HLCS: variants seen among roughly 807,000 people sequenced by gnomAD.
HLCS encodes the protein holocarboxylase synthetase.
Under a neutral mutation model 75.0 loss-of-function variants are expected in HLCS, and 53 were observed. That is an observed-to-expected ratio of 0.71 (90% CI 0.57 to 0.89). HLCS has a LOEUF of 0.89. Among genes scored for constraint, HLCS ranks in the 40% least tolerant of loss-of-function variants. The probability of loss-of-function intolerance (pLI) is 0.00; values close to 1 mark genes in which losing one functional copy is unlikely to be tolerated. For missense variants in HLCS, 966 were observed against 1,074.0 expected, an observed-to-expected ratio of 0.90 and a Z score of 1.41; for synonymous variants, 431 against 428.6, an observed-to-expected ratio of 1.01 and a Z score of -0.07.
At chr21:36,938,722 C>T (rs1271691845) in intron 3 of HLCS, 110 bp downstream of exon 3, 10 of 1,125,756 alleles carry the variant, frequency 8.9e-6, no homozygotes, top group Middle Eastern at 2.7e-4. Context: ...AGGCTGGTCT[C>T]GAACTCCTGG....
chr21:36,937,167 C>G lies in HLCS; in HGVS notation c.719G>C (p.Gly240Ala). The change falls in exon 4 of 11, where the codon GGG (glycine) becomes GCG (alanine). Residue 240 changes from glycine to alanine, a missense_variant. Transcript: ENST00000674895. ...GAGGTGATAATGCTCAACGGGGCCC[C>G]CTCCCCTGTCACTGTCCCCAGCAGG... ...SEPAGDSDRG[G>A]GPVEHYHLHL... is the part of the protein sequence containing the mutation. The G allele has an allele frequency of 6.2e-7, 1 of 1,614,164 alleles. No individual in the cohort carries two copies. The highest frequency in any genetic ancestry group is 8.5e-7 in the Non-Finnish European group (1 of 1,180,028).
intron 1 of HLCS, among the ~76,000 whole-genome samples, chr21:36,979,272 CAAAAA>C (rs35662012): frequency 2.7e-5 from 3 of 109,272 alleles, no homozygotes; most frequent in Non-Finnish European, 5.8e-5. Context: ...GACTCAGTCT[CAAAAA>C]AAAAAAAAAA....
At chr21:36,966,411 G>GC in intron 1 of HLCS, 33 bp downstream of exon 1, 3 of 617,438 alleles carry the variant, frequency 4.9e-6, no homozygotes, top group Non-Finnish European at 6.1e-6. Flanking sequence ...CGGCTCGCGG[G>GC]GCCCGGGTCG....
rs1270627437 is a variant in HLCS at position 36,842,729 on chromosome 21, C to A, written c.1892+54131G>T. On this transcript the variant is annotated intron_variant, in intron 6 of 10. Coordinates refer to ENST00000674895, the MANE Select transcript of HLCS (RefSeq NM_001352514.2). The surrounding 1 kb of genome is among the most constrained non-coding windows in gnomAD (Gnocchi z 4.2). ...CTGCACTCCACCCTGGGCAACAGAG[C>A]AAGACTCAGTCTCAAAAAAACAAAC... 1.3e-5 allele frequency among the ~76,000 whole-genome samples: 2 copies of A among 152,050 alleles called. No homozygotes were observed. Among genetic ancestry groups the A allele is most frequent in the Non-Finnish European group, 2.9e-5 (2 of 68,006 alleles).
intron 6 of HLCS, among the ~76,000 whole-genome samples, chr21:36,873,133 G>C (rs1027249587): frequency 6.9e-6 from 1 of 144,632 alleles, no homozygotes; most frequent in Non-Finnish European, 1.5e-5. Context: ...TTTTTTGTTT[G>C]TTTGAGACAG....
intron 1 of HLCS, among the ~76,000 whole-genome samples, chr21:36,988,270 A>G (rs2069265983): frequency 6.6e-6 from 1 of 152,108 alleles, no homozygotes; most frequent in Non-Finnish European, 1.5e-5. Flanking sequence ...CTTTCCAAAA[A>G]TAAGGAGATA....
At chr21:36,984,873 G>GT (rs11429336) in intron 1 of HLCS, among the ~76,000 whole-genome samples, 11,072 of 143,236 alleles carry the variant, frequency 0.077, 469 homozygotes, top group Middle Eastern at 0.12. Flanking sequence ...TCTTTTTCTT[G>GT]TTTTTTTTTT....
At chr21:36,964,529 G>T (rs2068467121) in intron 1 of HLCS, among the ~76,000 whole-genome samples, 1 of 152,174 alleles carries the variant, frequency 6.6e-6, no homozygotes, top group Non-Finnish European at 1.5e-5. Context: ...TGATTTAAAG[G>T]CTACAGGGAT....
Position 36,936,492 on chromosome 21 carries a change from T to C in HLCS, c.1394A>G (p.His465Arg), listed in dbSNP as rs1221359039. The stretch of plus-strand genomic sequence containing the variant: ...TCCCCCGCGAGTTCCAAAAGGCACA[T>C]GCACAATCATCCTGTCCTTGTCCTC... ...ENEDKDRMIVHVPFGTRGGEA... is the reference protein window; with the variant it reads ...ENEDKDRMIVRVPFGTRGGEA... The change falls in exon 4 of 11, where the codon CAT becomes CGT. Residue 465 changes from histidine (H) to arginine (R), a missense_variant. By Grantham distance (29) the His-to-Arg change is conservative (BLOSUM62 0). Coordinates refer to ENST00000674895, the MANE Select transcript of HLCS (RefSeq NM_001352514.2). 5.0e-6 allele frequency: 8 copies of C among 1,614,208 alleles called. No homozygotes were observed. The highest frequency in any genetic ancestry group is 5.1e-6 in the Non-Finnish European group (6 of 1,180,032).
At chr21:36,763,059 C>CT (rs2089906911) in intron 8 of HLCS, among the ~76,000 whole-genome samples, 1 of 152,254 alleles carries the variant, frequency 6.6e-6, no homozygotes, top group African/African-American at 2.4e-5. Context: ...GAGTCTCACT[C>CT]TGTCGTCCAG....
chr21:36,813,865 T>G (rs985461981), intron 6 of HLCS, among the ~76,000 whole-genome samples: 3 of 152,158 alleles, frequency 2.0e-5, no homozygotes, highest in African/African-American at 7.2e-5. Flanking sequence ...GTGTTCCTCA[T>G]CAAATAAGAA....
chr21:36,772,700 A>T (rs1475883687), intron 6 of HLCS, among the ~76,000 whole-genome samples: 1 of 151,710 alleles, frequency 6.6e-6, no homozygotes, highest in Non-Finnish European at 1.5e-5. Flanking sequence ...AGAAGGTGGA[A>T]GAGGCCGGGC....
At chr21:36,946,656 C>T (rs577445529) in intron 2 of HLCS, among the ~76,000 whole-genome samples, 7 of 152,142 alleles carry the variant, frequency 4.6e-5, no homozygotes, top group South Asian at 2.1e-4. Context: ...AGAAACATTG[C>T]GTTTGAGGGG....
chr21:36,899,260 T>C (rs2065138990), intron 5 of HLCS, among the ~76,000 whole-genome samples: 1 of 152,140 alleles, frequency 6.6e-6, no homozygotes, highest in South Asian at 2.1e-4. Flanking sequence ...TCTCTATTCT[T>C]TTCCATGTTT....
intron 5 of HLCS, among the ~76,000 whole-genome samples, chr21:36,903,668 A>G (rs2065330952): frequency 6.6e-6 from 1 of 152,234 alleles, no homozygotes; most frequent in Non-Finnish European, 1.5e-5. Flanking sequence ...CTCTAAAGTG[A>G]ATCATCCAGA....
intron 1 of HLCS, among the ~76,000 whole-genome samples, chr21:36,976,257 G>T (rs1235659902): frequency 1.3e-5 from 2 of 152,136 alleles, no homozygotes; most frequent in Non-Finnish European, 2.9e-5. Context: ...CTGCAGGTGG[G>T]ATGTCATCAA....
intron 1 of HLCS, among the ~76,000 whole-genome samples, chr21:36,982,585 A>C (rs932366905): frequency 2.6e-5 from 4 of 152,192 alleles, no homozygotes; most frequent in African/African-American, 9.6e-5. Context: ...TCAAACACAA[A>C]GCTTCATATT....
intron 6 of HLCS, among the ~76,000 whole-genome samples, chr21:36,889,649 T>C (rs1213745082): frequency 2.6e-5 from 4 of 152,092 alleles, no homozygotes; most frequent in African/African-American, 7.2e-5. Context: ...TCACCACCAA[T>C]AGCTCACATT....
intron 3 of HLCS, 90 bp downstream of exon 3, chr21:36,938,742 G>T: frequency 7.5e-7 from 1 of 1,338,668 alleles, no homozygotes; most frequent in Non-Finnish European, 1.1e-6. Flanking sequence ...GGCTCCAAGC[G>T]ATCCTCCTGC....
Sources: gnomAD v4.1 joint callset for allele counts (sites outside exome capture counted in the v4.1 genomes callset) on GRCh38, gnomAD v4.1.1 for gene constraint, Gnocchi (gnomAD v3.1) non-coding constraint, MANE v1.5 for transcripts, NCBI Gene and HGNC (gene_info 2026-07-23, HGNC 2026-07-21) for gene names.